The following NPIPB7 variants were observed in gnomAD, a reference collection of about 807,000 sequenced individuals.
NPIPB7 encodes nuclear pore complex-interacting protein family member B7.
For synonymous variants in NPIPB7, 9 were observed against 88.1 expected, an observed-to-expected ratio of 0.10 and a Z score of 5.03; for missense variants, 14 against 238.5, an observed-to-expected ratio of 0.06 and a Z score of 6.20.
rs967375393 is a variant in NPIPB7, at chr16:28,461,296, G to T, written c.545+1378C>A. ...CCTGGCCTTTGTAGGGACTGAGCCT[G>T]CACCGACGACCTCAATTGCAGCCTG... On this transcript the variant is annotated intron_variant, in intron 4 of 6. Transcript: ENST00000452313. 6.0e-5 allele frequency among the ~76,000 whole-genome samples: 8 copies of T among 132,438 alleles called. No homozygotes were observed. The East Asian group carries it at 1.9e-3, about 31-fold the overall frequency. The allele number at this position is 132,438 out of a possible 152,430, so 86.9% of individuals were successfully genotyped here.
chr16:28,470,676 A>T, upstream of NPIPB7: 1 of 490,392 alleles, frequency 2.0e-6, no homozygotes, highest in Non-Finnish European at 3.7e-6. Context: ...GGGAAGGGAA[A>T]GGAGGAGAAG....
chr16:28,462,137 A>G (rs1301110355), intron 4 of NPIPB7, among the ~76,000 whole-genome samples: 6 of 149,006 alleles, frequency 4.0e-5, no homozygotes, highest in Non-Finnish European at 5.9e-5. Flanking sequence ...AAAAAAAAAA[A>G]GGCTGGGTGT....
At chr16:28,472,088 A>G (rs537370504), upstream of NPIPB7, among the ~76,000 whole-genome samples, 2 of 152,360 alleles carry the variant, frequency 1.3e-5, no homozygotes, top group South Asian at 2.1e-4. Flanking sequence ...CTACAAAGCT[A>G]TAGTAATTAA....
At chr16:28,470,771 G>A (rs973008235), upstream of NPIPB7, among the ~76,000 whole-genome samples, 2 of 149,802 alleles carry the variant, frequency 1.3e-5, no homozygotes, top group African/African-American at 2.4e-5. Context: ...AAGTTCTCAA[G>A]CGCTGGTGGA....
chr16:28,463,627 G>A (rs1342607755), intron 2 of NPIPB7, among the ~76,000 whole-genome samples: 1 of 142,400 alleles, frequency 7.0e-6, no homozygotes, highest in Non-Finnish European at 1.5e-5. Flanking sequence ...TCGGGAGGCT[G>A]AGGCAGGAGA....
At chr16:28,471,809 T>C (rs915121274), upstream of NPIPB7, among the ~76,000 whole-genome samples, 13 of 150,724 alleles carry the variant, frequency 8.6e-5, 1 homozygote, top group African/African-American at 2.9e-4. Flanking sequence ...GTGTGGACTT[T>C]AAATTCTGAA....
At chr16:28,465,162 TA>T (rs2045898873) in intron 2 of NPIPB7, among the ~76,000 whole-genome samples, 1 of 102,958 alleles carries the variant, frequency 9.7e-6, no homozygotes, top group Non-Finnish European at 2.0e-5. Context: ...TGAACTTTCC[TA>T]AATGGAACTG....
intron 2 of NPIPB7, among the ~76,000 whole-genome samples, chr16:28,464,678 G>GA (rs2045894845): frequency 1.4e-5 from 2 of 144,164 alleles, no homozygotes; most frequent in African/African-American, 5.2e-5. Flanking sequence ...TTTTAGTAGA[G>GA]ATGGGGTTTC....
At chr16:28,470,028 T>A (rs1400753068) in intron 1 of NPIPB7, among the ~76,000 whole-genome samples, 1 of 146,008 alleles carries the variant, frequency 6.8e-6, no homozygotes, top group Non-Finnish European at 1.5e-5. Context: ...GACATTTCAC[T>A]TTGTTTTGGT....
At chr16:28,468,739 A>G (rs1706733602) in intron 1 of NPIPB7, among the ~76,000 whole-genome samples, 1 of 124,272 alleles carries the variant, frequency 8.0e-6, no homozygotes, top group Non-Finnish European at 1.8e-5. Context: ...CCCAGGAGGC[A>G]GAGGTTGCAG....
intron 1 of NPIPB7, chr16:28,469,619 A>T: frequency 3.9e-6 from 1 of 255,656 alleles, no homozygotes; most frequent in Non-Finnish European, 8.0e-6. Flanking sequence ...AAATAAATAA[A>T]ATAATGTAGA....
chr16:28,459,125 G>T (rs1179190920), intron 4 of NPIPB7, among the ~76,000 whole-genome samples: 1 of 113,604 alleles, frequency 8.8e-6, no homozygotes, highest in African/African-American at 3.2e-5. Context: ...GTTGACTTCT[G>T]AGATGATAGT....
At chr16:28,463,422 C>CACACAA (rs1393749528) in intron 2 of NPIPB7, among the ~76,000 whole-genome samples, 1 of 115,950 alleles carries the variant, frequency 8.6e-6, no homozygotes, top group Admixed American at 1.0e-4. Context: ...CACACACACA[C>CACACAA]ACACACACAC....
At chr16:28,472,290 T>G (rs1451530119), upstream of NPIPB7, among the ~76,000 whole-genome samples, 2 of 150,698 alleles carry the variant, frequency 1.3e-5, no homozygotes, top group Non-Finnish European at 3.0e-5. Context: ...GGTGGCTAAT[T>G]GGGAGGCTGA....
intron 2 of NPIPB7, among the ~76,000 whole-genome samples, chr16:28,465,413 A>G (rs1355173402): frequency 2.6e-5 from 2 of 77,802 alleles, no homozygotes; most frequent in African/African-American, 4.3e-5. Context: ...TGAAGCCAGG[A>G]GGTGGAGGTT....
upstream of NPIPB7, chr16:28,470,551 G>T: frequency 6.6e-6 from 1 of 151,492 alleles, no homozygotes; most frequent in Non-Finnish European, 1.1e-5. Flanking sequence ...TGGGGCGGGG[G>T]AGGGGAGGGG....
chr16:28,469,127 TACA>T (rs2061837563), intron 1 of NPIPB7, among the ~76,000 whole-genome samples: 2 of 111,938 alleles, frequency 1.8e-5, no homozygotes, highest in Admixed American at 2.1e-4. Flanking sequence ...TAGAGAACCA[TACA>T]ACAATGGTAA....
Position 28,457,229 on chromosome 16 carries a change from T to C in NPIPB7, c.643-203A>G, listed in dbSNP as rs1306394789. Among the ~76,000 whole-genome samples the C allele has an allele frequency of 4.4e-5, 6 of 137,850 alleles. No individual in the cohort carries two copies. In the East Asian group the frequency reaches 8.6e-4, roughly 20 times the overall value. 90.4% of individuals were successfully genotyped at this position (137,850 alleles called of 152,430 possible). On this transcript the variant is annotated intron_variant, in intron 6 of 6. Transcript: ENST00000452313. ...ACAGCTGGGGGGTAAAGAAAAGTCA[T>C]TGGGACACACTGTTGTCTCCACATG...
upstream of NPIPB7, among the ~76,000 whole-genome samples, chr16:28,470,818 C>A (rs1361369609): frequency 7.7e-5 from 11 of 142,466 alleles, no homozygotes; most frequent in Non-Finnish European, 1.7e-4. Context: ...ATCAGGGAAG[C>A]AACAGGACAC....
Sources: gnomAD v4.1 joint callset for allele counts (sites outside exome capture counted in the v4.1 genomes callset) on GRCh38, gnomAD v4.1.1 for gene constraint, MANE v1.5 for transcripts, NCBI Gene and HGNC (gene_info 2026-07-23, HGNC 2026-07-21) for gene names.